The following FOXP2 variants were observed in gnomAD, a reference collection of about 807,000 sequenced individuals.
The protein encoded by FOXP2 is forkhead box P2.
Under a neutral mutation model 115.8 loss-of-function variants are expected in FOXP2, and 12 were observed. That is an observed-to-expected ratio of 0.10 (90% CI 0.07 to 0.17). The LOEUF is 0.17. Ranked by LOEUF, FOXP2 falls within the 10% of genes least tolerant of loss-of-function variation. FOXP2 has a pLI of 1.00. For synonymous variants in FOXP2, 328 were observed against 297.7 expected (o/e 1.10, Z -1.05); for missense variants, 629 against 843.5 (o/e 0.75, Z 3.15).
Position 114,321,927 on chromosome 7 carries a change from C to T in FOXP2, c.-11+33818C>T, listed in dbSNP as rs574892453. On this transcript the variant is annotated intron_variant, in intron 2 of 17. Coordinates refer to the FOXP2 transcript ENST00000634411. ...GAGAAAGCCAAGCTTAATTTGTAGA[C>T]CTTCTTATCTCCAAAGCTCATGCAA... is the stretch of plus-strand genomic sequence containing the variant. Among the ~76,000 whole-genome samples the T allele has an allele frequency of 4.4e-4, 67 of 151,990 alleles. 1 individual carries two copies. Among genetic ancestry groups the T allele is most frequent in the Non-Finnish European group, 6.6e-4 (45 of 67,998 alleles).
At chr7:114,519,202 A>G (rs1424716289) in intron 2 of FOXP2, among the ~76,000 whole-genome samples, 1 of 152,154 alleles carries the variant, frequency 6.6e-6, no homozygotes, top group Non-Finnish European at 1.5e-5. Flanking sequence ...AATACCATAG[A>G]AGCTCAAATC....
At chr7:114,595,170 T>C (rs1175496038) in intron 3 of FOXP2, among the ~76,000 whole-genome samples, 2 of 152,086 alleles carry the variant, frequency 1.3e-5, no homozygotes, top group Non-Finnish European at 2.9e-5. Context: ...TGCCTAGTAA[T>C]GAAGAGAAAG....
At chr7:114,361,979 G>T (rs1483587648) in intron 2 of FOXP2, among the ~76,000 whole-genome samples, 2 of 151,970 alleles carry the variant, frequency 1.3e-5, no homozygotes, top group African/African-American at 4.8e-5. Flanking sequence ...AATGAGCCCA[G>T]AGTCAAAAAT....
chr7:114,411,154 G>A (rs1793153541), upstream of FOXP2, among the ~76,000 whole-genome samples: 1 of 152,084 alleles, frequency 6.6e-6, no homozygotes, highest in South Asian at 2.1e-4. Flanking sequence ...GAAGAACACT[G>A]TGTTTTGAAA....
chr7:114,676,877 T>A (rs1036165754), intron 16 of FOXP2, among the ~76,000 whole-genome samples: 6 of 152,202 alleles, frequency 3.9e-5, no homozygotes, highest in African/African-American at 1.4e-4. Flanking sequence ...TGCTGGAAAT[T>A]GCCCATATTG....
chr7:114,492,587 G>A (rs1362645226), intron 2 of FOXP2, among the ~76,000 whole-genome samples: 1 of 152,032 alleles, frequency 6.6e-6, no homozygotes, highest in Non-Finnish European at 1.5e-5. Flanking sequence ...CTTTGAATGT[G>A]TCCCAGAGAT....
At chr7:114,389,075 T>A (rs1006474922) in intron 2 of FOXP2, among the ~76,000 whole-genome samples, 1 of 152,248 alleles carries the variant, frequency 6.6e-6, no homozygotes, top group Non-Finnish European at 1.5e-5. Flanking sequence ...TGTACTCTCT[T>A]TAGCTATACT....
Position 114,419,357 on chromosome 7 carries a change from C to T in FOXP2, c.-11+3997C>T, listed in dbSNP as rs368640455. ...TGAAATTTGACGGAAAGGTTTATGC[C>T]ATGTTTTGATATTCTGATGTGTGCT... On this transcript the variant is annotated intron_variant, in intron 1 of 16. Coordinates refer to ENST00000350908, the MANE Select transcript of FOXP2 (RefSeq NM_014491.4). Among the ~76,000 whole-genome samples the T allele has an allele frequency of 3.9e-5, 6 of 151,914 alleles. No homozygotes were observed. In the East Asian group the frequency reaches 9.7e-4, roughly 25 times the overall value.
At chr7:114,250,868 T>C (rs1447633590) in intron 1 of FOXP2, among the ~76,000 whole-genome samples, 1 of 152,210 alleles carries the variant, frequency 6.6e-6, no homozygotes, top group Non-Finnish European at 1.5e-5. Flanking sequence ...ATGAAGTCCT[T>C]GCCCATGCCT....
chr7:114,119,003 A>G (rs184469843), intron 1 of FOXP2, among the ~76,000 whole-genome samples: 1 of 152,288 alleles, frequency 6.6e-6, no homozygotes, highest in East Asian at 1.9e-4. Context: ...TATGATGGAC[A>G]AAGAAAGTCC....
chr7:114,267,360 G>A (rs113056839), intron 1 of FOXP2, among the ~76,000 whole-genome samples: 2,413 of 151,990 alleles, frequency 0.016, 30 homozygotes, highest in African/African-American at 0.029. Context: ...TTACTATTCC[G>A]TATTAGCCTA....
intron 1 of FOXP2, among the ~76,000 whole-genome samples, chr7:114,135,614 G>C (rs1792017706): frequency 6.6e-6 from 1 of 151,930 alleles, no homozygotes; most frequent in Non-Finnish European, 1.5e-5. Flanking sequence ...GTAGCTTTTT[G>C]GTAAATATAA....
chr7:114,098,207 G>A (rs1799693837), intron 1 of FOXP2, among the ~76,000 whole-genome samples: 1 of 152,070 alleles, frequency 6.6e-6, no homozygotes, highest in South Asian at 2.1e-4. Context: ...GTTTTTTTAG[G>A]GACAGTTGTG....
intron 1 of FOXP2, among the ~76,000 whole-genome samples, chr7:114,256,665 G>A (rs1795621317): frequency 6.6e-6 from 1 of 152,188 alleles, no homozygotes; most frequent in South Asian, 2.1e-4. Flanking sequence ...TGTTCACTCT[G>A]ATGATAGTTT....
At chr7:114,340,289 G>C (rs1333551197) in intron 2 of FOXP2, among the ~76,000 whole-genome samples, 1 of 151,004 alleles carries the variant, frequency 6.6e-6, no homozygotes, top group Non-Finnish European at 1.5e-5. Flanking sequence ...CTTTTATTAT[G>C]AGGGCATCTA....
At chr7:114,255,587 C>T (rs559805480) in intron 1 of FOXP2, among the ~76,000 whole-genome samples, 9 of 152,174 alleles carry the variant, frequency 5.9e-5, no homozygotes, top group Non-Finnish European at 1.3e-4. Context: ...TGGGACCCTC[C>T]GAGCCAGGCG....
At chr7:114,576,430 G>A (rs1801580147) in intron 3 of FOXP2, among the ~76,000 whole-genome samples, 1 of 151,692 alleles carries the variant, frequency 6.6e-6, no homozygotes, top group African/African-American at 2.4e-5. Context: ...CTTGATGTTG[G>A]TTCCAAGAAG....
intron 1 of FOXP2, among the ~76,000 whole-genome samples, chr7:114,197,480 CA>C (rs1793943149): frequency 6.6e-6 from 1 of 152,160 alleles, no homozygotes; most frequent in African/African-American, 2.4e-5. Flanking sequence ...TTCATCCCAT[CA>C]TATGGGCTTC....
At chr7:114,111,154 A>G (rs1183910594) in intron 1 of FOXP2, among the ~76,000 whole-genome samples, 1 of 152,146 alleles carries the variant, frequency 6.6e-6, no homozygotes, top group Non-Finnish European at 1.5e-5. Context: ...CCAGGTTCTC[A>G]TGAAGTCCCC....
Sources: gnomAD v4.1 joint callset for allele counts (sites outside exome capture counted in the v4.1 genomes callset) on GRCh38, gnomAD v4.1.1 for gene constraint, MANE v1.5 for transcripts, NCBI Gene and HGNC (gene_info 2026-07-23, HGNC 2026-07-21) for gene names.